The following GATAD2A variants were observed in gnomAD, a reference collection of about 807,000 sequenced individuals.
GATAD2A encodes transcriptional repressor p66-alpha.
In GATAD2A, 12 loss-of-function variants were observed where a neutral mutation model predicts 68.5. The ratio of observed to expected loss-of-function variants is 0.18; its 90% confidence interval spans 0.11 to 0.28. The LOEUF (loss-of-function observed/expected upper bound fraction) is 0.28. Among genes scored for constraint, GATAD2A ranks in the 10% least tolerant of loss-of-function variants. GATAD2A has a pLI of 1.00. For missense variants in GATAD2A, 755 were observed against 868.5 expected, an observed-to-expected ratio of 0.87 and a Z score of 1.64; for synonymous variants, 410 against 375.3, an observed-to-expected ratio of 1.09 and a Z score of -1.07.
chr19:19,412,614 A>G (rs2051101530), intron 1 of GATAD2A, among the ~76,000 whole-genome samples: 1 of 152,124 alleles, frequency 6.6e-6, no homozygotes, highest in South Asian at 2.1e-4. Context: ...CCTGGGCGAC[A>G]GAGTGAGACT....
chr19:19,483,237 C>G (rs746852230), intron 2 of GATAD2A, among the ~76,000 whole-genome samples: 46 of 152,210 alleles, frequency 3.0e-4, no homozygotes, highest in Non-Finnish European at 7.3e-5. Flanking sequence ...GACTCTCTCT[C>G]TTTTTCCTGA....
rs1483779700 is a variant in GATAD2A at position 19,498,424 on chromosome 19, G to A, written c.925-19G>A. On this transcript the variant is annotated intron_variant, in intron 7 of 11. Transcript: ENST00000683918. ...GGCAGGCGCACGGAGCGCCCTGACT[G>A]AGTTTTTGTCTCCCAAAGCCCACCC... The A allele has an allele frequency of 6.3e-7, 1 of 1,593,652 alleles. No homozygotes were observed. The highest frequency in any genetic ancestry group is 8.6e-7 in the Non-Finnish European group (1 of 1,164,344).
intron 7 of GATAD2A, among the ~76,000 whole-genome samples, chr19:19,496,771 G>A (rs1273780553): frequency 6.6e-6 from 1 of 152,254 alleles, no homozygotes; most frequent in Non-Finnish European, 1.5e-5. Flanking sequence ...AGTAGGATGG[G>A]AAGAGCAGAA....
At chr19:19,459,348 A>C (rs2057217802) in intron 1 of GATAD2A, among the ~76,000 whole-genome samples, 1 of 151,170 alleles carries the variant, frequency 6.6e-6, no homozygotes, top group African/African-American at 2.4e-5. Flanking sequence ...AGTTACTTTC[A>C]GTTTTTTCCC....
intron 1 of GATAD2A, chr19:19,440,077 C>T: frequency 5.5e-6 from 2 of 365,438 alleles, no homozygotes; most frequent in East Asian, 1.3e-4. Context: ...CAGGGTGGTG[C>T]CTGAGCCCCT....
At chr19:19,430,941 A>G (rs1327175406) in intron 1 of GATAD2A, among the ~76,000 whole-genome samples, 1 of 149,878 alleles carries the variant, frequency 6.7e-6, no homozygotes, top group African/African-American at 2.5e-5. Flanking sequence ...CCTCAGTTTG[A>G]GAAGTCCTTG....
chr19:19,430,436 C>T (rs573121848), intron 1 of GATAD2A, among the ~76,000 whole-genome samples: 34 of 152,250 alleles, frequency 2.2e-4, no homozygotes, highest in African/African-American at 8.2e-4. Context: ...TGTGCAGGAC[C>T]TAGGAGAGGG....
chr19:19,476,070 AT>A, intron 2 of GATAD2A, among the ~76,000 whole-genome samples: 1 of 152,266 alleles, frequency 6.6e-6, no homozygotes, highest in Non-Finnish European at 1.5e-5. Context: ...TCCTCTGGTC[AT>A]GGAGGGGACT....
intron 7 of GATAD2A, among the ~76,000 whole-genome samples, chr19:19,497,001 A>AC (rs1412872444): frequency 2.6e-5 from 4 of 152,178 alleles, no homozygotes; most frequent in Non-Finnish European, 5.9e-5. Context: ...TCCTGGACTG[A>AC]CCCAGGCAGG....
chr19:19,441,686 C>A, intron 1 of GATAD2A: 1 of 176,926 alleles, frequency 5.7e-6, no homozygotes, highest in Non-Finnish European at 1.2e-5. Context: ...CTCAGCCTCC[C>A]CAACAGTAGC....
chr19:19,448,673 A>T (rs912719140), intron 1 of GATAD2A, among the ~76,000 whole-genome samples: 1 of 152,024 alleles, frequency 6.6e-6, no homozygotes, highest in African/African-American at 2.4e-5. Context: ...TTTTTTTTGT[A>T]GAGATGGGGT....
At chr19:19,488,178 G>T (rs1480626849) in intron 2 of GATAD2A, among the ~76,000 whole-genome samples, 2 of 152,204 alleles carry the variant, frequency 1.3e-5, no homozygotes, top group East Asian at 3.8e-4. Context: ...TGCTGCTATG[G>T]CGGTGACAGC....
intron 1 of GATAD2A, among the ~76,000 whole-genome samples, chr19:19,398,442 C>T (rs1036465784): frequency 6.6e-5 from 10 of 151,918 alleles, no homozygotes; most frequent in Non-Finnish European, 1.3e-4. Flanking sequence ...CTCAGGCGAT[C>T]CGCTTGCCTC....
At chr19:19,490,336 GCT>G (rs2059706643) in intron 2 of GATAD2A, among the ~76,000 whole-genome samples, 1 of 152,128 alleles carries the variant, frequency 6.6e-6, no homozygotes, top group Admixed American at 6.5e-5. Context: ...AACCTCTGGT[GCT>G]CTGTGTCTAC....
At chr19:19,386,664 A>T (rs1018995670) in intron 1 of GATAD2A, among the ~76,000 whole-genome samples, 1 of 151,404 alleles carries the variant, frequency 6.6e-6, no homozygotes, top group Non-Finnish European at 1.5e-5. Context: ...GTCTCTAGGG[A>T]ACCCCCGTCT....
intron 1 of GATAD2A, among the ~76,000 whole-genome samples, chr19:19,387,404 C>T (rs763259275): frequency 2.0e-5 from 3 of 151,874 alleles, no homozygotes; most frequent in Non-Finnish European, 4.4e-5. Context: ...ACTGTAACCT[C>T]TGCCTCCTGG....
In GATAD2A at chr19:19,502,475, G is replaced by T; in HGVS notation, c.1723G>T (p.Ala575Ser). The T allele has an allele frequency of 6.2e-7, 1 of 1,613,480 alleles. No individual in the cohort carries two copies. Among genetic ancestry groups the T allele is most frequent in the East Asian group, 2.2e-5 (1 of 44,874 alleles). The change falls in exon 11 of 12, where the codon GCC (alanine) becomes TCC (serine). Residue 575 changes from alanine to serine, a missense_variant. Physicochemically the swap from Ala to Ser is moderately conservative, Grantham distance 99. Transcript: ENST00000683918. ...CAGACATTCTGAGAGAACCGTGAGC[G>T]CCGGCAAGGGCAGCGCCACCTCCAA... ...TGRHSERTVS[A>S]GKGSATSNWK...
chr19:19,497,623 G>A (rs982166310), intron 7 of GATAD2A, among the ~76,000 whole-genome samples: 2 of 152,154 alleles, frequency 1.3e-5, no homozygotes, highest in African/African-American at 4.8e-5. Flanking sequence ...TTCTTGGGGG[G>A]TGGGACCCTG....
intron 1 of GATAD2A, among the ~76,000 whole-genome samples, chr19:19,445,939 G>A (rs1447082047): frequency 1.3e-5 from 2 of 152,134 alleles, no homozygotes; most frequent in African/African-American, 4.8e-5. Context: ...CCTACAAGTG[G>A]ACTTGCAGGA....
Sources: gnomAD v4.1 joint callset for allele counts (sites outside exome capture counted in the v4.1 genomes callset) on GRCh38, gnomAD v4.1.1 for gene constraint, MANE v1.5 for transcripts, NCBI Gene and HGNC (gene_info 2026-07-23, HGNC 2026-07-21) for gene names.